Variants in KCNIP4 observed in about 807,000 individuals in gnomAD.
KCNIP4 encodes the protein Kv channel-interacting protein 4.
A neutral mutation model predicts 34.0 loss-of-function variants in KCNIP4; 12 were observed. That is an observed-to-expected ratio of 0.35 (90% CI 0.23 to 0.57). The LOEUF (loss-of-function observed/expected upper bound fraction) is 0.57. KCNIP4 is among the 20% of genes least tolerant of loss of function. The probability of loss-of-function intolerance (pLI) is 0.83; values close to 1 mark genes in which losing one functional copy is unlikely to be tolerated. For missense variants in KCNIP4, 238 were observed against 311.7 expected (o/e 0.76, Z 1.78); for synonymous variants, 124 against 102.2 (o/e 1.21, Z -1.29).
At position 21,635,743 on chromosome 4, in the gene KCNIP4, G is replaced by A. The variant is rs555737040; in HGVS notation, c.61+312828C>T. ...GAAGTCAGTGTGGCGATTCCTCAGG[G>A]ATCTAGAACTGGAAATACCATTTGA... On this transcript the variant is annotated intron_variant, in intron 1 of 8. Transcript: ENST00000382152. Among the ~76,000 whole-genome samples, 5 of 152,268 alleles carry A rather than the reference G, an allele frequency of 3.3e-5. No individual in the cohort carries two copies. The South Asian group carries it at 1.0e-3, about 32-fold the overall frequency.
chr4:21,533,405 A>G (rs1322451648), intron 1 of KCNIP4, among the ~76,000 whole-genome samples: 1 of 152,142 alleles, frequency 6.6e-6, no homozygotes, highest in Admixed American at 6.5e-5. Flanking sequence ...TTAAAGACTA[A>G]AAGAGTCAAA....
chr4:21,750,167 T>A (rs1358597995), intron 1 of KCNIP4, among the ~76,000 whole-genome samples: 1 of 152,134 alleles, frequency 6.6e-6, no homozygotes, highest in African/African-American at 2.4e-5. Flanking sequence ...CATGAATCAC[T>A]TTGTAGCCAC....
chr4:21,061,034 A>T (rs1026345017), intron 1 of KCNIP4, among the ~76,000 whole-genome samples: 1 of 152,184 alleles, frequency 6.6e-6, no homozygotes, highest in Non-Finnish European at 1.5e-5. Context: ...AATAGAATTC[A>T]TTATAACATT....
intron 1 of KCNIP4, among the ~76,000 whole-genome samples, chr4:20,888,974 C>T (rs1725616784): frequency 6.6e-6 from 1 of 152,124 alleles, no homozygotes; most frequent in Non-Finnish European, 1.5e-5. Flanking sequence ...CAATATCATA[C>T]TTATTACAAT....
chr4:21,366,559 G>C (rs1311574480), intron 1 of KCNIP4, among the ~76,000 whole-genome samples: 1 of 152,144 alleles, frequency 6.6e-6, no homozygotes, highest in Non-Finnish European at 1.5e-5. Flanking sequence ...AAAGTACTTG[G>C]GCTAGCTAGC....
intron 1 of KCNIP4, among the ~76,000 whole-genome samples, chr4:21,460,075 C>A (rs1729316101): frequency 6.6e-6 from 1 of 151,336 alleles, no homozygotes; most frequent in African/African-American, 2.4e-5. Context: ...TTGCAAAAAC[C>A]TACAAGGCCT....
At chr4:21,487,667 T>C (rs1232622833) in intron 1 of KCNIP4, among the ~76,000 whole-genome samples, 1 of 152,200 alleles carries the variant, frequency 6.6e-6, no homozygotes, top group Non-Finnish European at 1.5e-5. Flanking sequence ...TTCTTCTGCA[T>C]AGAGACTTAT....
chr4:21,056,279 C>G (rs900826649), intron 1 of KCNIP4, among the ~76,000 whole-genome samples: 2 of 152,094 alleles, frequency 1.3e-5, no homozygotes, highest in East Asian at 3.9e-4. Context: ...CAAAAAAAAG[C>G]CTTGAAATTT....
At chr4:21,769,464 T>C (rs971594334) in intron 1 of KCNIP4, among the ~76,000 whole-genome samples, 1 of 152,192 alleles carries the variant, frequency 6.6e-6, no homozygotes, top group Non-Finnish European at 1.5e-5. Context: ...TTTAGTCAAT[T>C]ACATCAGTTA....
chr4:21,703,670 T>C (rs1418128516), intron 1 of KCNIP4, among the ~76,000 whole-genome samples: 2 of 152,142 alleles, frequency 1.3e-5, no homozygotes, highest in Admixed American at 6.6e-5. Context: ...TGAAATACTT[T>C]GGTGTGTGTC....
intron 1 of KCNIP4, chr4:21,697,284 C>T (rs1190692775): frequency 1.5e-6 from 2 of 1,295,768 alleles, no homozygotes; most frequent in African/African-American, 1.8e-5. Context: ...TATTCCATTT[C>T]AACTTCATTA....
chr4:21,499,767 C>T (rs974173106), intron 1 of KCNIP4, among the ~76,000 whole-genome samples: 3 of 152,120 alleles, frequency 2.0e-5, no homozygotes, highest in Non-Finnish European at 4.4e-5. Context: ...TACACAGTCA[C>T]TTTGAAATAG....
intron 1 of KCNIP4, among the ~76,000 whole-genome samples, chr4:21,047,767 G>C (rs1742564530): frequency 6.6e-6 from 1 of 152,240 alleles, no homozygotes; most frequent in Admixed American, 6.5e-5. Flanking sequence ...ATAGCCTAGA[G>C]CAGCTACCAC....
intron 5 of KCNIP4, among the ~76,000 whole-genome samples, chr4:20,746,810 T>C (rs979035022): frequency 5.3e-5 from 8 of 152,280 alleles, no homozygotes; most frequent in African/African-American, 1.9e-4. Flanking sequence ...CTTCTGCCTT[T>C]CAGGTTTAAG....
intron 3 of KCNIP4, among the ~76,000 whole-genome samples, chr4:20,803,729 G>GGAAA (rs1714706375): frequency 1.6e-5 from 2 of 122,628 alleles, no homozygotes; most frequent in Admixed American, 8.3e-5. Context: ...GAGAGAGAGA[G>GGAAA]GAAGGAAGGA....
chr4:21,506,338 C>T (rs1162606320), intron 1 of KCNIP4, among the ~76,000 whole-genome samples: 1 of 152,134 alleles, frequency 6.6e-6, no homozygotes, highest in Non-Finnish European at 1.5e-5. Flanking sequence ...GTTATCTGGG[C>T]CTCACTCTAT....
At chr4:21,641,499 G>A (rs1305994250) in intron 1 of KCNIP4, among the ~76,000 whole-genome samples, 1 of 152,172 alleles carries the variant, frequency 6.6e-6, no homozygotes, top group Non-Finnish European at 1.5e-5. Context: ...ATGGGCTGTG[G>A]CCAATGATGG....
At chr4:21,547,510 A>C (rs1738239161) in intron 1 of KCNIP4, among the ~76,000 whole-genome samples, 1 of 152,084 alleles carries the variant, frequency 6.6e-6, no homozygotes, top group Non-Finnish European at 1.5e-5. Context: ...TCACAATGAA[A>C]TGTAACAACT....
intron 1 of KCNIP4, among the ~76,000 whole-genome samples, chr4:20,893,869 T>C (rs762567536): frequency 2.0e-5 from 3 of 152,090 alleles, no homozygotes; most frequent in Non-Finnish European, 1.5e-5. Context: ...ATAACTCTTA[T>C]TTATTTTTAT....
Sources: allele counts gnomAD v4.1 joint callset (sites outside exome capture counted in the v4.1 genomes callset), GRCh38; gene constraint gnomAD v4.1.1; transcripts MANE v1.5; gene names NCBI Gene and HGNC (gene_info 2026-07-23, HGNC 2026-07-21).